Variants in TTLL9 observed in about 807,000 individuals in gnomAD.
The protein encoded by TTLL9 is probable tubulin polyglutamylase TTLL9.
A neutral mutation model predicts 65.6 loss-of-function variants in TTLL9; 47 were observed. The observed-to-expected ratio is 0.72, with a 90% CI of 0.57 to 0.91. The LOEUF (loss-of-function observed/expected upper bound fraction) is 0.91. Among genes scored for constraint, TTLL9 ranks in the 40% least tolerant of loss-of-function variants. The probability of loss-of-function intolerance (pLI) is 0.00; values close to 1 mark genes in which losing one functional copy is unlikely to be tolerated. For synonymous variants in TTLL9, 179 were observed against 204.8 expected, an observed-to-expected ratio of 0.87 and a Z score of 1.07; for missense variants, 537 against 568.8, an observed-to-expected ratio of 0.94 and a Z score of 0.57.
intron 3 of TTLL9, among the ~76,000 whole-genome samples, chr20:31,892,860 T>C (rs1274648588): frequency 6.6e-6 from 1 of 152,240 alleles, no homozygotes; most frequent in Non-Finnish European, 1.5e-5. Flanking sequence ...ACACTTCTGT[T>C]TGCTCCCCTC....
intron 10 of TTLL9, among the ~76,000 whole-genome samples, chr20:31,930,084 T>C (rs7273206): frequency 0.011 from 1,612 of 152,214 alleles, 19 homozygotes; most frequent in Non-Finnish European, 0.019. Context: ...GCCAAGATTG[T>C]GCCACTGCAC....
intron 14 of TTLL9, among the ~76,000 whole-genome samples, chr20:31,942,193 T>G (rs894625592): frequency 6.6e-6 from 1 of 151,858 alleles, no homozygotes. Context: ...GCCACAGAGA[T>G]TCAGTCATTC....
chr20:31,941,615 G>C (rs1469201097), intron 14 of TTLL9, among the ~76,000 whole-genome samples: 1 of 152,010 alleles, frequency 6.6e-6, no homozygotes, highest in African/African-American at 2.4e-5. Context: ...CTGGAGTGCA[G>C]TGGTGCAATC....
intron 8 of TTLL9, among the ~76,000 whole-genome samples, chr20:31,924,231 C>T (rs1300881605): frequency 6.6e-6 from 1 of 152,108 alleles, no homozygotes. Flanking sequence ...CTGCTCTGCC[C>T]ACTTCACTCC....
At chr20:31,926,635 T>C (rs115098201) in intron 10 of TTLL9, among the ~76,000 whole-genome samples, 2,615 of 151,982 alleles carry the variant, frequency 0.017, 75 homozygotes, top group African/African-American at 0.059. Context: ...GAGAAAAAAA[T>C]AGGGAACATT....
In TTLL9 at chr20:31,943,301, A is replaced by C; in HGVS notation, c.*280A>C. 4 of 501,290 alleles carry C rather than the reference A, an allele frequency of 8.0e-6. No individual in the cohort carries two copies. Among genetic ancestry groups the C allele is most frequent in the African/African-American group, 1.9e-5 (1 of 51,714 alleles). 31.1% of individuals were successfully genotyped at this position (501,290 alleles called of 1,614,324 possible). A position where few individuals can be genotyped will look rare whatever the true frequency, so the allele number is the denominator to read the frequency against. On this transcript the variant is annotated 3_prime_UTR_variant, in exon 15 of 15. Transcript: ENST00000535842. ...TGGCAGTTAGGCCCAAAGAGAACAAATACAGCAAGTTCTGCTACCCCCAGG... is the reference window on the plus strand; with the variant it reads ...TGGCAGTTAGGCCCAAAGAGAACAACTACAGCAAGTTCTGCTACCCCCAGG...
At position 31,898,575 on chromosome 20, in the gene TTLL9, TC is replaced by T. The variant is rs1365066278; in HGVS notation, c.206+16del. Reference sequence around the variant, plus strand: ...GGGTGGAAGTGAAGGAGTAAGACCCTCCCCCCAGCCTTGTCCCTCCTTCCCT... The same window carrying T: ...GGGTGGAAGTGAAGGAGTAAGACCCTCCCCCAGCCTTGTCCCTCCTTCCCT... On this transcript the variant is annotated intron_variant, in intron 4 of 14. Transcript: ENST00000535842. 3 of 1,610,198 alleles carry T rather than the reference TC, an allele frequency of 1.9e-6. No homozygotes were observed. Among genetic ancestry groups the T allele is most frequent in the African/African-American group, 1.3e-5 (1 of 74,834 alleles).
At chr20:31,911,031 CG>C (rs2063637634) in intron 6 of TTLL9, among the ~76,000 whole-genome samples, 1 of 152,028 alleles carries the variant, frequency 6.6e-6, no homozygotes, top group Non-Finnish European at 1.5e-5. Context: ...AAAAATTAGC[CG>C]GGCATGATGG....
At chr20:31,923,726 G>A (rs184775723) in intron 8 of TTLL9, among the ~76,000 whole-genome samples, 16 of 152,270 alleles carry the variant, frequency 1.1e-4, no homozygotes, top group African/African-American at 2.9e-4. Context: ...CATCAGGCAT[G>A]CCTGACATCA....
At position 31,934,721 on chromosome 20, in the gene TTLL9, G is replaced by A; in HGVS notation, c.837G>A (p.Arg279=). The part of the protein sequence containing the change: ...KGCKWTLQRF[R]QYLASKHGPE... The stretch of plus-strand genomic sequence containing the variant: ...GCAAGTGGACGCTGCAGCGCTTCCG[G>A]CAGTACCTGGCGTCCAAACACGGGC... Residue 279 remains arginine (R), a synonymous_variant, in exon 12 of 15, where the codon CGG becomes CGA. Transcript: ENST00000535842. 1 of 1,612,170 alleles carries A rather than the reference G, an allele frequency of 6.2e-7. No homozygotes were observed. The highest frequency in any genetic ancestry group is 8.5e-7 in the Non-Finnish European group (1 of 1,179,852).
chr20:31,937,619 C>A, intron 13 of TTLL9, 110 bp downstream of exon 13: 1 of 791,676 alleles, frequency 1.3e-6, no homozygotes. Flanking sequence ...TCAGCGATGG[C>A]TCTGGCCTGC....
chr20:31,908,513 C>T lies in TTLL9; in HGVS notation c.207-78C>T, dbSNP rs139881244. 44 of 981,800 alleles carry T rather than the reference C, an allele frequency of 4.5e-5. No homozygotes were observed. In the East Asian group the frequency reaches 6.9e-4, roughly 15 times the overall value. The allele number at this position is 981,800 out of a possible 1,614,324, so 60.8% of individuals were successfully genotyped here. ...CTGTGTACCCTTCCTCAAGCCCCCT[C>T]GGCAGCACCTCCCTGGGCCCTGCAG... On this transcript the variant is annotated intron_variant, in intron 4 of 14. Coordinates refer to ENST00000535842, the MANE Select transcript of TTLL9 (RefSeq NM_001008409.5).
At chr20:31,895,010 C>T (rs2063362432) in intron 3 of TTLL9, among the ~76,000 whole-genome samples, 1 of 152,054 alleles carries the variant, frequency 6.6e-6, no homozygotes, top group South Asian at 2.1e-4. Flanking sequence ...AGTCTGGTCT[C>T]CAACTCCAGT....
intron 6 of TTLL9, among the ~76,000 whole-genome samples, chr20:31,916,605 G>A (rs1403949886): frequency 2.0e-5 from 3 of 152,178 alleles, no homozygotes; most frequent in Admixed American, 6.5e-5. Context: ...TTGGGGATGT[G>A]CTAGATGATG....
intron 6 of TTLL9, among the ~76,000 whole-genome samples, chr20:31,911,136 C>T (rs1014532056): frequency 3.3e-5 from 5 of 152,038 alleles, no homozygotes; most frequent in Non-Finnish European, 7.4e-5. Flanking sequence ...GATCGCCCCA[C>T]TGCACTCCAG....
chr20:31,880,062 A>G (rs887578355), intron 2 of TTLL9, among the ~76,000 whole-genome samples: 28 of 152,130 alleles, frequency 1.8e-4, no homozygotes, highest in South Asian at 4.1e-4. Context: ...CGAAAACAGG[A>G]AGAAAAAAAG....
intron 3 of TTLL9, among the ~76,000 whole-genome samples, chr20:31,887,905 TTTGAGTTTCA>T (rs2063220767): frequency 1.3e-5 from 2 of 151,042 alleles, no homozygotes; most frequent in South Asian, 2.1e-4. Flanking sequence ...TCTCTTCTCT[TTTGAGTTTCA>T]CTCTTGTTAC....
intron 11 of TTLL9, chr20:31,934,386 C>A: frequency 3.5e-6 from 2 of 566,308 alleles, no homozygotes; most frequent in Non-Finnish European, 6.7e-6. Flanking sequence ...TCGGTCACTC[C>A]TTGGCCTTGG....
intron 10 of TTLL9, among the ~76,000 whole-genome samples, chr20:31,929,603 T>TC (rs2063970537): frequency 6.6e-6 from 1 of 152,164 alleles, no homozygotes; most frequent in African/African-American, 2.4e-5. Context: ...TTTTTTTTTT[T>TC]CATTAATGAA....
Sources: allele counts gnomAD v4.1 joint callset (sites outside exome capture counted in the v4.1 genomes callset), GRCh38; gene constraint gnomAD v4.1.1; transcripts MANE v1.5; gene names NCBI Gene and HGNC (gene_info 2026-07-23, HGNC 2026-07-21).